Variants in EFCAB6 observed in about 807,000 individuals in gnomAD.
The protein encoded by EFCAB6 is EF-hand calcium binding domain 6, also known as EF-hand calcium-binding domain-containing protein 6.
Under a neutral mutation model 169.8 loss-of-function variants are expected in EFCAB6, and 156 were observed. The ratio of observed to expected loss-of-function variants is 0.92; its 90% CI spans 0.81 to 1.05. The LOEUF (loss-of-function observed/expected upper bound fraction) is 1.05. Ranked by LOEUF, EFCAB6 falls within the 50% of genes least tolerant of loss-of-function variation. The probability of loss-of-function intolerance (pLI) is 0.00; values close to 1 mark genes in which losing one functional copy is unlikely to be tolerated. For missense variants in EFCAB6, 1,800 were observed against 1,829.1 expected (o/e 0.98, Z 0.29); for synonymous variants, 698 against 676.4 (o/e 1.03, Z -0.50).
intron 20 of EFCAB6, 107 bp from the exon 21 acceptor site, chr22:43,616,029 G>A: frequency 1.2e-6 from 1 of 819,562 alleles, no homozygotes; most frequent in East Asian, 2.7e-5. Context: ...TACCATTAAA[G>A]TCTGTTATTT....
At chr22:43,674,244 T>A (rs1249059709) in intron 13 of EFCAB6, among the ~76,000 whole-genome samples, 1 of 152,216 alleles carries the variant, frequency 6.6e-6, no homozygotes, top group Non-Finnish European at 1.5e-5. Flanking sequence ...CACATCTATG[T>A]TTTCTAATTT....
intron 31 of EFCAB6, among the ~76,000 whole-genome samples, chr22:43,529,215 C>T (rs897108631): frequency 5.3e-5 from 8 of 152,206 alleles, no homozygotes; most frequent in South Asian, 2.1e-4. Context: ...AGGTTGATCA[C>T]CTTTGCCTCC....
intron 28 of EFCAB6, among the ~76,000 whole-genome samples, chr22:43,538,707 T>A (rs542051962): frequency 3.3e-5 from 5 of 151,774 alleles, no homozygotes; most frequent in South Asian, 4.2e-4. Context: ...CTTTAAAGAG[T>A]CCCTCAGATT....
chr22:43,533,902 T>G (rs1481593301), intron 30 of EFCAB6, among the ~76,000 whole-genome samples: 1 of 152,216 alleles, frequency 6.6e-6, no homozygotes. Context: ...TCTGGCCTCC[T>G]GGAGCCTCTG....
chr22:43,704,449 T>C (rs6006531), intron 10 of EFCAB6, among the ~76,000 whole-genome samples: 9,710 of 152,228 alleles, frequency 0.064, 372 homozygotes, highest in African/African-American at 0.11. Flanking sequence ...GGTATAAATA[T>C]TACGCAGTCA....
intron 17 of EFCAB6, among the ~76,000 whole-genome samples, chr22:43,636,783 T>G (rs901948786): frequency 8.6e-5 from 13 of 151,782 alleles, no homozygotes; most frequent in Non-Finnish European, 1.6e-4. Context: ...GCTAATTTTT[T>G]GTATTTTTAG....
chr22:43,590,494 C>T (rs373770628), intron 23 of EFCAB6, among the ~76,000 whole-genome samples: 3 of 152,078 alleles, frequency 2.0e-5, no homozygotes, highest in African/African-American at 4.8e-5. Context: ...GTACTAGAAT[C>T]GGTACTTTAA....
At chr22:43,689,127 A>G (rs902051490) in intron 10 of EFCAB6, among the ~76,000 whole-genome samples, 1 of 151,934 alleles carries the variant, frequency 6.6e-6, no homozygotes, top group Non-Finnish European at 1.5e-5. Context: ...TGGGGGTGGG[A>G]TGTATCAGTG....
At chr22:43,670,177 A>C (rs1378712267) in intron 15 of EFCAB6, among the ~76,000 whole-genome samples, 1 of 152,182 alleles carries the variant, frequency 6.6e-6, no homozygotes. Context: ...TTGAAACTCC[A>C]AAGTTTTCCC....
At chr22:43,621,500 A>G (rs888401771) in intron 20 of EFCAB6, among the ~76,000 whole-genome samples, 1 of 152,212 alleles carries the variant, frequency 6.6e-6, no homozygotes, top group Non-Finnish European at 1.5e-5. Context: ...TAATTTGAAA[A>G]TGAATAAAAA....
intron 17 of EFCAB6, among the ~76,000 whole-genome samples, chr22:43,666,378 C>T (rs956999196): frequency 3.3e-5 from 5 of 152,220 alleles, no homozygotes; most frequent in Non-Finnish European, 4.4e-5. Flanking sequence ...TTCCAATGTC[C>T]GGCAGTGGGG....
rs911667202 is a variant in EFCAB6 at position 43,638,250 on chromosome 22, C to T, written c.1984-3034G>A. 3.3e-5 allele frequency among the ~76,000 whole-genome samples: 5 copies of T among 152,228 alleles called. No individual in the cohort carries two copies. In the East Asian group the frequency reaches 7.7e-4, roughly 23 times the overall value. ...CCAGATTTATCATGACCCTTGGAGG[C>T]GACATACAATAAGAAGGAAGGCTCA... is the stretch of plus-strand genomic sequence containing the variant. On this transcript the variant is annotated intron_variant, in intron 17 of 31. Coordinates refer to ENST00000262726, the MANE Select transcript of EFCAB6 (RefSeq NM_022785.4).
At chr22:43,545,741 G>A (rs1007211723) in intron 27 of EFCAB6, among the ~76,000 whole-genome samples, 1 of 152,202 alleles carries the variant, frequency 6.6e-6, no homozygotes, top group Admixed American at 6.5e-5. Context: ...ATGGCCTGGA[G>A]TCTGTGAAAC....
At chr22:43,591,743 G>C (rs886446221) in intron 23 of EFCAB6, among the ~76,000 whole-genome samples, 1 of 152,166 alleles carries the variant, frequency 6.6e-6, no homozygotes, top group Non-Finnish European at 1.5e-5. Flanking sequence ...TTGCAGAGAT[G>C]TGTGATCTCA....
At chr22:43,664,645 C>T (rs550909820) in intron 17 of EFCAB6, among the ~76,000 whole-genome samples, 11 of 152,294 alleles carry the variant, frequency 7.2e-5, no homozygotes, top group South Asian at 4.1e-4. Flanking sequence ...CCCAAGGAGC[C>T]GCGATCTTGG....
intron 21 of EFCAB6, among the ~76,000 whole-genome samples, chr22:43,611,633 C>T (rs1569244726): frequency 6.6e-6 from 1 of 151,908 alleles, no homozygotes; most frequent in African/African-American, 2.4e-5. Flanking sequence ...CCTATCTCCA[C>T]AAAAAATACC....
At chr22:43,717,598 G>A (rs2059378702) in intron 8 of EFCAB6, among the ~76,000 whole-genome samples, 1 of 152,088 alleles carries the variant, frequency 6.6e-6, no homozygotes, top group South Asian at 2.1e-4. Context: ...GACTACTCAA[G>A]CTCATTGATC....
At chr22:43,733,992 C>A (rs949154398) in intron 7 of EFCAB6, among the ~76,000 whole-genome samples, 6 of 152,082 alleles carry the variant, frequency 3.9e-5, no homozygotes, top group African/African-American at 1.4e-4. Flanking sequence ...CAAGCGTGAT[C>A]CACCGCGCCC....
intron 18 of EFCAB6, among the ~76,000 whole-genome samples, chr22:43,633,947 T>G (rs1188963356): frequency 6.6e-6 from 1 of 152,150 alleles, no homozygotes; most frequent in Non-Finnish European, 1.5e-5. Flanking sequence ...ACTCTCCACC[T>G]TGCTAGAATC....
Sources: allele counts gnomAD v4.1 joint callset (sites outside exome capture counted in the v4.1 genomes callset), GRCh38; gene constraint gnomAD v4.1.1; transcripts MANE v1.5; gene names NCBI Gene and HGNC (gene_info 2026-07-23, HGNC 2026-07-21).